Variants in NLGN3 observed in about 807,000 individuals in gnomAD.
NLGN3 encodes neuroligin-3.
A neutral mutation model predicts 42.9 loss-of-function variants in NLGN3; 11 were observed. The ratio of observed to expected loss-of-function variants is 0.26; its 90% CI spans 0.16 to 0.42. The LOEUF is 0.42. Among genes scored for constraint, NLGN3 ranks in the 10% least tolerant of loss-of-function variants. The pLI, the probability that NLGN3 is intolerant of heterozygous loss-of-function variation, is 1.00. For synonymous variants in NLGN3, 279 were observed against 312.7 expected, an observed-to-expected ratio of 0.89 and a Z score of 1.14; for missense variants, 374 against 733.8, an observed-to-expected ratio of 0.51 and a Z score of 5.67.
At chrX:71,146,172 G>C (rs5902683) in intron 1 of NLGN3, among the ~76,000 whole-genome samples, 3,974 of 37,182 alleles carry the variant, frequency 0.11, 96 homozygotes, top group Non-Finnish European at 0.12. Context: ...CACACACACA[G>C]ACACACACAC....
chrX:71,147,936 C>T lies in NLGN3; in HGVS notation c.187C>T (p.Leu63=), dbSNP rs763963502. The change falls in exon 2 of 8, where the codon CTG becomes TTG. Residue 63 remains leucine (L), a synonymous_variant. Transcript: ENST00000358741. ...GARVPLPSEI[L]GPVDQYLGVP... Reference sequence around the variant, plus strand: ...CCGAGTACCACTGCCCAGTGAGATCCTGGGGCCTGTGGACCAATACCTGGG... The same window carrying T: ...CCGAGTACCACTGCCCAGTGAGATCTTGGGGCCTGTGGACCAATACCTGGG... 2 of 1,209,817 alleles carry T rather than the reference C, an allele frequency of 1.7e-6. No homozygotes were observed. The highest frequency in any genetic ancestry group is 4.4e-5 in the Admixed American group (2 of 45,909).
chrX:71,163,162 G>T (rs893981018), intron 5 of NLGN3, among the ~76,000 whole-genome samples: 20 of 110,973 alleles, frequency 1.8e-4, no homozygotes, highest in African/African-American at 5.9e-4. Context: ...AATCCCAGCA[G>T]GTGGGTGGGA....
chrX:71,153,307 C>G (rs2092397263), intron 3 of NLGN3, 170 bp from the exon 4 acceptor site: 2 of 534,114 alleles, frequency 3.7e-6, no homozygotes, highest in Non-Finnish European at 6.7e-6. Flanking sequence ...TGATGAAGGT[C>G]TGGGCCTCAG....
chrX:71,148,386 C>T lies in NLGN3; in HGVS notation c.457+180C>T, dbSNP rs1000105541. Among the ~76,000 whole-genome samples, 8 of 106,957 alleles carry T rather than the reference C, an allele frequency of 7.5e-5. No homozygotes were observed. The Admixed American group carries it at 7.9e-4, about 11-fold the overall frequency. 92.9% of individuals were successfully genotyped at this position (106,957 alleles called of 115,157 possible). ...TGTTCTTCCCTCTCCCAGCATTGTC[C>T]GAGCTCCCATGTGTGAGTGACACTG... On this transcript the variant is annotated intron_variant, in intron 2 of 7. Coordinates refer to ENST00000358741, the MANE Select transcript of NLGN3 (RefSeq NM_181303.2).
intron 6 of NLGN3, among the ~76,000 whole-genome samples, chrX:71,165,571 C>A (rs930234822): frequency 9.1e-6 from 1 of 110,187 alleles, no homozygotes; most frequent in Admixed American, 9.7e-5. Context: ...AGGCTCTGTC[C>A]CCCAGTGCAG....
chrX:71,168,961 T>A, intron 7 of NLGN3, among the ~76,000 whole-genome samples: 1 of 109,919 alleles, frequency 9.1e-6, no homozygotes. Context: ...GAGGCTTTAT[T>A]AGGGGGCTCC....
chrX:71,147,505 C>T lies in NLGN3; in HGVS notation c.-200-45C>T, dbSNP rs558549281. On this transcript the variant is annotated intron_variant, in intron 1 of 7. Transcript: ENST00000358741. ...GGCCCCCAAAGACCAACTCTGTTGC[C>T]CTCCCAGACCATCTTGGATGACGCA... 1.9e-4 allele frequency: 81 copies of T among 434,660 alleles called. 2 individuals carry two copies. In the South Asian group the frequency reaches 2.5e-3, roughly 13 times the overall value. 35.8% of individuals were successfully genotyped at this position (434,660 alleles called of 1,213,427 possible). A position where few individuals can be genotyped will look rare whatever the true frequency, so the allele number is the denominator to read the frequency against.
intron 6 of NLGN3, among the ~76,000 whole-genome samples, chrX:71,165,382 G>T (rs939086166): frequency 2.6e-4 from 29 of 111,810 alleles, no homozygotes; most frequent in African/African-American, 2.6e-4. Context: ...GCGAAATGAC[G>T]GGCTGCAAGG....
chrX:71,161,032 T>C (rs891520240), intron 5 of NLGN3, among the ~76,000 whole-genome samples: 1 of 111,789 alleles, frequency 8.9e-6, no homozygotes. Context: ...ATGCCAGATA[T>C]TGTGTGCTTG....
chrX:71,165,382 G>A (rs939086166), intron 6 of NLGN3, among the ~76,000 whole-genome samples: 3 of 111,810 alleles, frequency 2.7e-5, no homozygotes, highest in Admixed American at 9.5e-5. Flanking sequence ...GCGAAATGAC[G>A]GGCTGCAAGG....
Position 71,164,257 on chromosome X carries a change from G to A in NLGN3, c.842G>A (p.Arg281Gln), listed in dbSNP as rs1422081239. The change falls in exon 6 of 8, where the codon CGG (arginine) becomes CAG (glutamine). Residue 281 changes from arginine to glutamine, a missense_variant. By Grantham distance (43) the Arg-to-Gln change is conservative. Coordinates refer to ENST00000358741, the MANE Select transcript of NLGN3 (RefSeq NM_181303.2). ...GCCTTCTTCGGGGGAGACCCCCGCC[G>A]GATCACTGTCTTTGGCTCGGGCATT... is the stretch of plus-strand genomic sequence containing the variant. ...NIAFFGGDPR[R>Q]ITVFGSGIGA... 6 of 1,212,361 alleles carry A rather than the reference G, an allele frequency of 4.9e-6. No homozygotes were observed. The highest frequency in any genetic ancestry group is 3.0e-5 in the East Asian group (1 of 33,857).
At chrX:71,154,638 T>A (rs759929101) in intron 4 of NLGN3, among the ~76,000 whole-genome samples, 113 of 111,636 alleles carry the variant, frequency 1.0e-3, no homozygotes, top group Non-Finnish European at 1.6e-3. Flanking sequence ...GTCAACAAGG[T>A]TCCCCCCACC....
Position 71,169,885 on chromosome X carries a change from C to T in NLGN3, c.2335C>T (p.Pro779Ser), listed in dbSNP as rs766078372. 8.3e-7 allele frequency: 1 copy of T among 1,198,371 alleles called. No homozygotes were observed. Among genetic ancestry groups the T allele is most frequent in the East Asian group, 3.0e-5 (1 of 33,007 alleles). ...CACCCACCACGAGTGTGAGGCCGGT[C>T]CCCCCCATGACACGCTGCGCCTCAC... is the stretch of plus-strand genomic sequence containing the variant. ...GPTHHECEAGPPHDTLRLTAL... is the reference protein window; with the variant it reads ...GPTHHECEAGSPHDTLRLTAL... Residue 779 changes from proline to serine, a missense_variant, in exon 8 of 8, where the codon CCC (proline) becomes TCC (serine). Coordinates refer to ENST00000358741, the MANE Select transcript of NLGN3 (RefSeq NM_181303.2).
intron 5 of NLGN3, among the ~76,000 whole-genome samples, chrX:71,161,261 C>G (rs779306478): frequency 4.6e-5 from 5 of 108,726 alleles, no homozygotes; most frequent in Non-Finnish European, 9.6e-5. Context: ...ATTACAGTCA[C>G]ATGCCACCAA....
chrX:71,149,017 A>C, intron 3 of NLGN3, 112 bp downstream of exon 3: 6 of 454,738 alleles, frequency 1.3e-5, no homozygotes, highest in Non-Finnish European at 2.2e-5. Context: ...CTCAGGGGGC[A>C]GTAAGCAGGC....
downstream of NLGN3, among the ~76,000 whole-genome samples, chrX:71,173,364 G>A (rs891616522): frequency 2.7e-5 from 3 of 111,310 alleles, no homozygotes; most frequent in African/African-American, 9.8e-5. Context: ...TGGAAGAGGT[G>A]ACCTCCAAGA....
intron 5 of NLGN3, among the ~76,000 whole-genome samples, chrX:71,161,064 A>G (rs2092428060): frequency 9.1e-6 from 1 of 109,481 alleles, no homozygotes; most frequent in Non-Finnish European, 1.9e-5. Context: ...GTTTGCTGTC[A>G]TCTTCCTGAG....
chrX:71,169,104 C>T (rs1252422267), intron 7 of NLGN3, 150 bp from the exon 8 acceptor site: 2 of 580,376 alleles, frequency 3.4e-6, no homozygotes, highest in Non-Finnish European at 5.6e-6. Flanking sequence ...GGGGAAGAAG[C>T]AGGTGTGGGC....
At position 71,170,444 on chromosome X, in the gene NLGN3, C is replaced by A. The variant is rs2092467976; in HGVS notation, c.*347C>A. On this transcript the variant is annotated 3_prime_UTR_variant, in exon 8 of 8. Coordinates refer to ENST00000358741, the MANE Select transcript of NLGN3 (RefSeq NM_181303.2). ...GCCTGAAAGCAACAGCTGGACACCC[C>A]CTTGGTGCTCGCCTTCGGCCTCTCT... is the stretch of plus-strand genomic sequence containing the variant. 8 of 934,798 alleles carry A rather than the reference C, an allele frequency of 8.6e-6. No individual in the cohort carries two copies. The highest frequency in any genetic ancestry group is 6.1e-5 in the East Asian group (1 of 16,323). 77.0% of individuals were successfully genotyped at this position (934,798 alleles called of 1,213,427 possible). A position where few individuals can be genotyped will look rare whatever the true frequency, so the allele number is the denominator to read the frequency against.
Sources: gnomAD v4.1 joint callset for allele counts (sites outside exome capture counted in the v4.1 genomes callset) on GRCh38, gnomAD v4.1.1 for gene constraint, MANE v1.5 for transcripts, NCBI Gene and HGNC (gene_info 2026-07-23, HGNC 2026-07-21) for gene names.